CELF2: variants seen among roughly 807,000 people sequenced by gnomAD.
CELF2 encodes CUG triplet repeat RNA-binding protein 2.
A neutral mutation model predicts 62.6 loss-of-function variants in CELF2; 8 were observed. The observed-to-expected ratio is 0.13, with a 90% CI of 0.07 to 0.23. The LOEUF is 0.23. Among genes scored for constraint, CELF2 ranks in the 10% least tolerant of loss-of-function variants. CELF2 has a pLI of 1.00. For missense variants in CELF2, 333 were observed against 671.0 expected (o/e 0.50, Z 5.56); for synonymous variants, 258 against 250.0 (o/e 1.03, Z -0.30).
rs369440631 is a variant in CELF2 at position 11,316,250 on chromosome 10, GAAGA to G, written c.1096+1998_1096+2001del. Among the ~76,000 whole-genome samples, 8 of 152,254 alleles carry G rather than the reference GAAGA, an allele frequency of 5.3e-5. No individual in the cohort carries two copies. Among genetic ancestry groups the G allele is most frequent in the Middle Eastern group, 3.4e-3 (1 of 294 alleles). ...TAAGTCTGTATAGTTCATAGAAAAC[GAAGA>G]AAGAATGTTTGTCATTTCAAATAAC... On this transcript the variant is annotated intron_variant, in intron 10 of 12. Transcript: ENST00000633077. The surrounding 1 kb of genome is among the most constrained non-coding windows in gnomAD (Gnocchi z 4.4).
chr10:10,668,870 A>G, the CELF2 span, among the ~76,000 whole-genome samples: 2 of 152,172 alleles, frequency 1.3e-5, no homozygotes, highest in Non-Finnish European at 2.9e-5. Flanking sequence ...AGGCAGGAAA[A>G]TTGCTTGAAT....
intron 2 of CELF2, among the ~76,000 whole-genome samples, chr10:10,987,974 T>C (rs1268512677): frequency 6.6e-6 from 1 of 152,080 alleles, no homozygotes; most frequent in African/African-American, 2.4e-5. Flanking sequence ...GATGTTGGCA[T>C]GGATGTGGTG....
At position 10,931,240 on chromosome 10, in the gene CELF2, A is replaced by G. The variant is rs183244330; in HGVS notation, c.89+11241A>G. Among the ~76,000 whole-genome samples the G allele has an allele frequency of 1.3e-5, 2 of 152,306 alleles. No homozygotes were observed. Among genetic ancestry groups the G allele is most frequent in the Admixed American group, 1.3e-4 (2 of 15,288 alleles). ...TATTGTGTTCATTTTTCAAATAAGC[A>G]ACATTAGACTCACAAAACACTATAT... is the stretch of plus-strand genomic sequence containing the variant. On this transcript the variant is annotated intron_variant, in intron 2 of 13. Coordinates refer to the CELF2 transcript ENST00000636488. This position sits in a 1 kb window ranked among gnomAD's most constrained non-coding sequence, Gnocchi z 6.1.
In CELF2 at chr10:11,280,982, CTGTGTGCGTGTG is replaced by C. The variant is rs1377966015; in HGVS notation, c.841+5869_841+5880del. ...CTGATGCTGGCGTGCGTGTGCATGC[CTGTGTGCGTGTG>C]TGTGTGTGTGTGTGTGTGTGTGTGT... is the stretch of plus-strand genomic sequence containing the variant. On this transcript the variant is annotated intron_variant, in intron 8 of 12. Transcript: ENST00000633077. This position sits in a 1 kb window ranked among gnomAD's most constrained non-coding sequence, Gnocchi z 7.6. Among the ~76,000 whole-genome samples the C allele has an allele frequency of 8.3e-6, 1 of 119,776 alleles. No homozygotes were observed. Among genetic ancestry groups the C allele is most frequent in the African/African-American group, 3.7e-5 (1 of 27,022 alleles). The allele number at this position is 119,776 out of a possible 152,430, so 78.6% of individuals were successfully genotyped here.
At chr10:10,836,655 T>A (rs745525993) in intron 1 of CELF2, among the ~76,000 whole-genome samples, 118 of 152,360 alleles carry the variant, frequency 7.7e-4, no homozygotes, top group Non-Finnish European at 1.4e-3. Flanking sequence ...TATTTTATTT[T>A]TTTTGAGATG....
Position 11,270,721 on chromosome 10 carries a change from A to G in CELF2, c.674A>G (p.Gln225Arg). ...GCTGACACTCAGAAGGACAAAGAGC[A>G]AAGGCGCCTCCAGCAGCAGCTCGCT... is the stretch of plus-strand genomic sequence containing the variant. ...KFADTQKDKEQRRLQQQLAQQ... is the reference protein window; with the variant it reads ...KFADTQKDKERRRLQQQLAQQ... Residue 225 changes from glutamine to arginine, a missense_variant, in exon 7 of 13, where the codon CAA becomes CGA. Physicochemically the swap from Gln to Arg is conservative, Grantham distance 43 (BLOSUM62 1). Transcript: ENST00000633077. The surrounding 1 kb of genome is among the most constrained non-coding windows in gnomAD (Gnocchi z 5.8). 6.4e-7 allele frequency: 1 copy of G among 1,564,890 alleles called. No homozygotes were observed. Among genetic ancestry groups the G allele is most frequent in the Non-Finnish European group, 8.7e-7 (1 of 1,151,974 alleles).
At position 11,314,152 on chromosome 10, in the gene CELF2, C is replaced by A. The variant is rs778429103; in HGVS notation, c.990C>A (p.Thr330=). The A allele has an allele frequency of 1.4e-5, 23 of 1,613,768 alleles. No homozygotes were observed. The highest frequency in any genetic ancestry group is 1.9e-5 in the Non-Finnish European group (22 of 1,179,780). The change falls in exon 10 of 13, where the codon ACC becomes ACA. Residue 330 remains threonine (T), a synonymous_variant. Transcript: ENST00000633077. This position sits in a 1 kb window ranked among gnomAD's most constrained non-coding sequence, Gnocchi z 5.3. Reference sequence around the variant, plus strand: ...TCCTTTTTTCAGTGGCTGCTTCAACCCCCAACTCCACTGCTGGTGCAGCCA... The same window carrying A: ...TCCTTTTTTCAGTGGCTGCTTCAACACCCAACTCCACTGCTGGTGCAGCCA... The part of the protein sequence containing the change: ...GALTSPVAAS[T]PNSTAGAAMN...
chr10:10,469,510 A>C, the CELF2 span, among the ~76,000 whole-genome samples: 1 of 151,884 alleles, frequency 6.6e-6, no homozygotes, highest in Non-Finnish European at 1.5e-5. Context: ...TTTCGTAATG[A>C]AAGAGCATTG....
upstream of CELF2, among the ~76,000 whole-genome samples, chr10:11,003,812 A>G (rs1184942139): frequency 6.6e-6 from 1 of 152,116 alleles, no homozygotes; most frequent in Non-Finnish European, 1.5e-5. The surrounding 1 kb of genome is among the most constrained non-coding windows in gnomAD (Gnocchi z 4.4). Context: ...ATTCACTGTA[A>G]CTTTCATATG....
chr10:11,016,360 T>C (rs1181101963), upstream of CELF2, among the ~76,000 whole-genome samples: 1 of 152,170 alleles, frequency 6.6e-6, no homozygotes, highest in Non-Finnish European at 1.5e-5. This position sits in a 1 kb window ranked among gnomAD's most constrained non-coding sequence, Gnocchi z 5.2. Flanking sequence ...AAAATTAAGG[T>C]TAGTTTAGCC....
Position 11,309,672 on chromosome 10 carries a change from G to A in CELF2, c.977-4467G>A, listed in dbSNP as rs998363757. ...GGCCCTTTCGTAGGGGTGCTCTTTC[G>A]GCCAGTCCTTGAGGCCTGCTCTGAT... On this transcript the variant is annotated intron_variant, in intron 9 of 12. Coordinates refer to ENST00000633077, the MANE Select transcript of CELF2 (RefSeq NM_001326342.2). This position sits in a 1 kb window ranked among gnomAD's most constrained non-coding sequence, Gnocchi z 5.6. Among the ~76,000 whole-genome samples, 12 of 152,006 alleles carry A rather than the reference G, an allele frequency of 7.9e-5. No homozygotes were observed. Among genetic ancestry groups the A allele is most frequent in the South Asian group, 6.2e-4 (3 of 4,818 alleles).
chr10:10,959,725 C>T (rs1255027494), intron 2 of CELF2, among the ~76,000 whole-genome samples: 5 of 152,180 alleles, frequency 3.3e-5, no homozygotes, highest in Admixed American at 1.3e-4. Context: ...GTGCTGTCAC[C>T]GTGTAAGTAT....
upstream of CELF2, chr10:11,005,069 T>C (rs1396156531): frequency 1.0e-6 from 1 of 985,284 alleles, no homozygotes; most frequent in African/African-American, 1.7e-5. This position sits in a 1 kb window ranked among gnomAD's most constrained non-coding sequence, Gnocchi z 4.3. Context: ...GGAGAAGTAA[T>C]ACCAGCCAGG....
At chr10:10,978,525 T>C (rs527358151) in intron 2 of CELF2, among the ~76,000 whole-genome samples, 25 of 152,330 alleles carry the variant, frequency 1.6e-4, no homozygotes, top group Admixed American at 5.2e-4. Context: ...TTTAAAGACA[T>C]CAAGGTGATA....
In CELF2 at chr10:11,133,337, G is replaced by A. The variant is rs1477234432; in HGVS notation, c.75-32149G>A. On this transcript the variant is annotated intron_variant, in intron 1 of 12. Transcript: ENST00000633077. The stretch of plus-strand genomic sequence containing the variant: ...TTTAAACAGAATCCTGAAAGCTAGA[G>A]ACATTCAAATACTGCTCTCTCTCCC... 2.0e-5 allele frequency among the ~76,000 whole-genome samples: 3 copies of A among 152,256 alleles called. No homozygotes were observed. In the South Asian group the frequency reaches 6.2e-4, roughly 32 times the overall value.
intron 1 of CELF2, among the ~76,000 whole-genome samples, chr10:11,020,892 TC>T (rs1324388618): frequency 3.9e-5 from 6 of 152,248 alleles, no homozygotes; most frequent in Admixed American, 3.3e-4. Context: ...TTTTAAACAT[TC>T]GGTATCAAAA....
the CELF2 span, among the ~76,000 whole-genome samples, chr10:10,482,726 C>T: frequency 2.0e-5 from 3 of 152,166 alleles, no homozygotes; most frequent in African/African-American, 4.8e-5. Flanking sequence ...GTAAACAACT[C>T]GCCTGTGAAC....
chr10:10,730,150 C>T, the CELF2 span, among the ~76,000 whole-genome samples: 1 of 151,284 alleles, frequency 6.6e-6, no homozygotes, highest in African/African-American at 2.4e-5. Flanking sequence ...TTTTTTTTTC[C>T]CTCCACTGTG....
chr10:10,832,819 C>T (rs897447345), intron 1 of CELF2, among the ~76,000 whole-genome samples: 2 of 152,024 alleles, frequency 1.3e-5, no homozygotes, highest in East Asian at 3.9e-4. Flanking sequence ...ACACTGGAAT[C>T]GGAGGGGAGA....
Sources: gnomAD v4.1 joint callset for allele counts (sites outside exome capture counted in the v4.1 genomes callset) on GRCh38, gnomAD v4.1.1 for gene constraint, Gnocchi (gnomAD v3.1) non-coding constraint, MANE v1.5 for transcripts, NCBI Gene and HGNC (gene_info 2026-07-23, HGNC 2026-07-21) for gene names.